Variants in PARN observed in about 807,000 individuals in gnomAD.
The protein encoded by PARN is poly(A)-specific ribonuclease.
In PARN, 71 loss-of-function variants were observed where a neutral mutation model predicts 102.8. The ratio of observed to expected loss-of-function variants is 0.69; its 90% CI spans 0.57 to 0.84. PARN has a LOEUF of 0.84. PARN is among the 40% of genes least tolerant of loss of function. The probability of loss-of-function intolerance (pLI) is 0.00; values close to 1 mark genes in which losing one functional copy is unlikely to be tolerated. For missense variants in PARN, 782 were observed against 760.9 expected, an observed-to-expected ratio of 1.03 and a Z score of -0.33; for synonymous variants, 261 against 252.9, an observed-to-expected ratio of 1.03 and a Z score of -0.30.
chr16:14,441,232 T>A (rs180686478), intron 23 of PARN, among the ~76,000 whole-genome samples: 3 of 152,184 alleles, frequency 2.0e-5, no homozygotes, highest in African/African-American at 4.8e-5. Flanking sequence ...GGGGGCTTAA[T>A]TGTCTTCTAT....
chr16:14,483,136 A>G (rs1266438648), intron 21 of PARN, among the ~76,000 whole-genome samples: 2 of 152,256 alleles, frequency 1.3e-5, no homozygotes, highest in East Asian at 1.9e-4. Flanking sequence ...TTTGCAGCCA[A>G]CATTACTATT....
At chr16:14,581,307 C>T (rs1263259265) in intron 17 of PARN, among the ~76,000 whole-genome samples, 10 of 152,130 alleles carry the variant, frequency 6.6e-5, no homozygotes, top group Non-Finnish European at 1.5e-4. Context: ...CCACCTCAGC[C>T]TCCTAAAGTG....
rs182678104 is a variant in PARN, at chr16:14,492,063, C to T, written c.1481-9236G>A. Among the ~76,000 whole-genome samples, 22 of 152,328 alleles carry T rather than the reference C, an allele frequency of 1.4e-4. No individual in the cohort carries two copies. In the East Asian group the frequency reaches 3.9e-3, roughly 27 times the overall value. ...GCTAACCCACCTGCCTGCTCACACC[C>T]TTGGGAGCCAGAGCTTGGGATTCCT... On this transcript the variant is annotated intron_variant, in intron 21 of 23. Transcript: ENST00000437198.
intron 9 of PARN, 69 bp downstream of exon 9, chr16:14,608,212 A>G: frequency 9.0e-7 from 1 of 1,108,308 alleles, no homozygotes; most frequent in African/African-American, 1.6e-5. Context: ...AATGAGAACT[A>G]AGAGATTATA....
chr16:14,547,729 G>A (rs970823203), intron 21 of PARN, among the ~76,000 whole-genome samples: 2 of 151,376 alleles, frequency 1.3e-5, no homozygotes, highest in Non-Finnish European at 2.9e-5. Context: ...GTCAAAAATG[G>A]CTTTAAAAAT....
At chr16:14,573,133 G>T (rs939669672) in intron 18 of PARN, among the ~76,000 whole-genome samples, 1 of 151,822 alleles carries the variant, frequency 6.6e-6, no homozygotes, top group Non-Finnish European at 1.5e-5. Context: ...CCACCTCCCT[G>T]GCCTCCCAAA....
At chr16:14,502,591 C>T (rs1181592429) in intron 21 of PARN, among the ~76,000 whole-genome samples, 1 of 152,176 alleles carries the variant, frequency 6.6e-6, no homozygotes, top group Non-Finnish European at 1.5e-5. Context: ...CAAGCAAAAC[C>T]AGTCTCACAC....
intron 13 of PARN, 94 bp downstream of exon 13, chr16:14,593,207 A>G: frequency 1.4e-6 from 1 of 695,406 alleles, no homozygotes; most frequent in Non-Finnish European, 2.5e-6. Context: ...ATGGCACCCA[A>G]GTAGAGGACA....
chr16:14,595,607 AC>A (rs1970458036), intron 12 of PARN, among the ~76,000 whole-genome samples: 1 of 151,390 alleles, frequency 6.6e-6, no homozygotes, highest in Admixed American at 6.6e-5. Context: ...ATCTCAGCTC[AC>A]TGCAACCTCT....
chr16:14,624,476 T>G (rs1482263676), intron 5 of PARN, among the ~76,000 whole-genome samples: 1 of 152,212 alleles, frequency 6.6e-6, no homozygotes, highest in Non-Finnish European at 1.5e-5. Flanking sequence ...TTCAAGTCTA[T>G]GATAGCTTTT....
At position 14,630,232 on chromosome 16, in the gene PARN, CGG is replaced by C; in HGVS notation, c.-109_-108del. The C allele has an allele frequency of 1.0e-6, 1 of 973,892 alleles. No individual in the cohort carries two copies. Among genetic ancestry groups the C allele is most frequent in the Non-Finnish European group, 1.5e-6 (1 of 656,092 alleles). The allele number at this position is 973,892 out of a possible 1,614,324, so 60.3% of individuals were successfully genotyped here. A position where few individuals can be genotyped will look rare whatever the true frequency, so the allele number is the denominator to read the frequency against. ...GCGGCAGTAGCTGAGGCAGCCGCAG[CGG>C]TGACGCCGGCCGCGACTTCCGGAAA... On this transcript the variant is annotated 5_prime_UTR_variant, in exon 1 of 24. Transcript: ENST00000437198.
In PARN at chr16:14,629,684, A is replaced by T. The variant is rs1972909220; in HGVS notation, c.20-10T>A. ...AGATTACTCTTAAAATCTGCGGAGA[A>T]ACCGAAAAGAGGCTCAGAACCAGTG... On this transcript the variant is annotated splice_polypyrimidine_tract_variant and intron_variant, in intron 1 of 23. Coordinates refer to ENST00000437198, the MANE Select transcript of PARN (RefSeq NM_002582.4). The T allele has an allele frequency of 6.2e-7, 1 of 1,602,122 alleles. No individual in the cohort carries two copies. The highest frequency in any genetic ancestry group is 1.3e-5 in the African/African-American group (1 of 74,836).
chr16:14,462,394 C>T (rs759078797), intron 22 of PARN, among the ~76,000 whole-genome samples: 6 of 151,774 alleles, frequency 4.0e-5, no homozygotes, highest in East Asian at 1.9e-4. Flanking sequence ...TCCAGGAAAC[C>T]GACATTTAAC....
chr16:14,577,786 G>GC (rs890394534), intron 18 of PARN, among the ~76,000 whole-genome samples: 4 of 151,898 alleles, frequency 2.6e-5, no homozygotes, highest in Admixed American at 1.3e-4. Context: ...TCCTGCCTCA[G>GC]CCCCCCCAGT....
intron 21 of PARN, among the ~76,000 whole-genome samples, chr16:14,526,745 C>A (rs1966032521): frequency 6.6e-6 from 1 of 152,222 alleles, no homozygotes; most frequent in African/African-American, 2.4e-5. Flanking sequence ...CCTATGTCTC[C>A]ATTTGCCTAA....
At chr16:14,570,062 C>T (rs900529016) in intron 18 of PARN, among the ~76,000 whole-genome samples, 5 of 151,962 alleles carry the variant, frequency 3.3e-5, no homozygotes, top group Admixed American at 6.6e-5. Flanking sequence ...AAGAGGAGGC[C>T]GGGTGCGGTG....
At chr16:14,629,543 G>A (rs1454858014) in intron 2 of PARN, 54 bp downstream of exon 2, 3 of 1,277,704 alleles carry the variant, frequency 2.3e-6, no homozygotes, top group South Asian at 1.2e-5. Context: ...GGGATTGAAG[G>A]AGCCTTGGCT....
chr16:14,606,396 GGAAAAA>G, intron 10 of PARN, 82 bp downstream of exon 10: 1 of 495,638 alleles, frequency 2.0e-6, no homozygotes, highest in Non-Finnish European at 3.2e-6. Context: ...AGACCCTGAG[GGAAAAA>G]AAAAAAGAAA....
At chr16:14,462,361 AG>A (rs1962036073) in intron 22 of PARN, among the ~76,000 whole-genome samples, 1 of 152,200 alleles carries the variant, frequency 6.6e-6, no homozygotes, top group Admixed American at 6.5e-5. Context: ...GAACAAACAA[AG>A]ACAAAAACAT....
Sources: allele counts gnomAD v4.1 joint callset (sites outside exome capture counted in the v4.1 genomes callset), GRCh38; gene constraint gnomAD v4.1.1; transcripts MANE v1.5; gene names NCBI Gene and HGNC (gene_info 2026-07-23, HGNC 2026-07-21).